The following DDX42 variants were observed in gnomAD, a reference collection of about 807,000 sequenced individuals.
DDX42 encodes the protein DEAD-box helicase 42.
In DDX42, 22 loss-of-function variants were observed where a neutral mutation model predicts 101.5. The ratio of observed to expected loss-of-function variants is 0.22; its 90% CI spans 0.15 to 0.31. The LOEUF (loss-of-function observed/expected upper bound fraction) is 0.31, where lower values mean the gene tolerates loss of function less well. Among genes scored for constraint, DDX42 ranks in the 10% least tolerant of loss-of-function variants. DDX42 has a pLI of 1.00. For missense variants in DDX42, 849 were observed against 1,199.9 expected (o/e 0.71, Z 4.32); for synonymous variants, 402 against 401.2 (o/e 1.00, Z -0.02).
chr17:63,811,800 T>G, intron 13 of DDX42, 132 bp from the exon 14 acceptor site: 1 of 1,221,448 alleles, frequency 8.2e-7, no homozygotes, highest in Non-Finnish European at 1.2e-6. Flanking sequence ...GCACTTGACT[T>G]GCTGAAGGCC....
At chr17:63,803,174 GATAA>G (rs2039794061) in intron 6 of DDX42, among the ~76,000 whole-genome samples, 1 of 152,080 alleles carries the variant, frequency 6.6e-6, no homozygotes, top group African/African-American at 2.4e-5. Context: ...CAAAATACAT[GATAA>G]ATAAATGGAT....
Position 63,787,106 on chromosome 17 carries a change from T to C in DDX42, c.57T>C (p.Phe19=), listed in dbSNP as rs767718123. 1 of 1,614,220 alleles carries C rather than the reference T, an allele frequency of 6.2e-7. No homozygotes were observed. Among genetic ancestry groups the C allele is most frequent in the Non-Finnish European group, 8.5e-7 (1 of 1,180,036 alleles). The part of the protein sequence containing the change: ...GTKRGFGFGG[F]AISAGKKEEP... ...AGCGAGGATTTGGCTTTGGAGGTTT[T>C]GCCATCAGTGCTGGGAAAAAGGAGG... is the stretch of plus-strand genomic sequence containing the variant. The change falls in exon 2 of 18, where the codon TTT becomes TTC. Residue 19 remains phenylalanine, a synonymous_variant. Coordinates refer to ENST00000389924, the MANE Select transcript of DDX42 (RefSeq NM_203499.3).
chr17:63,814,675 C>CTTTTTTTTTGT (rs2039953609), intron 15 of DDX42, among the ~76,000 whole-genome samples: 2 of 90,456 alleles, frequency 2.2e-5, no homozygotes, highest in Non-Finnish European at 4.0e-5. Context: ...GAGACATTTG[C>CTTTTTTTTTGT]TTTTTTTTTT....
intron 1 of DDX42, among the ~76,000 whole-genome samples, chr17:63,782,826 A>G (rs116843665): frequency 6.6e-6 from 1 of 152,308 alleles, no homozygotes; most frequent in Non-Finnish European, 1.5e-5. Flanking sequence ...TGTAAAATTA[A>G]CGATTCTTTG....
chr17:63,812,823 G>A lies in DDX42; in HGVS notation c.1676-405G>A, dbSNP rs531820618. Among the ~76,000 whole-genome samples, 32 of 152,128 alleles carry A rather than the reference G, an allele frequency of 2.1e-4. No homozygotes were observed. The South Asian group carries it at 3.5e-3, about 17-fold the overall frequency. On this transcript the variant is annotated intron_variant, in intron 14 of 17. Transcript: ENST00000389924. The stretch of plus-strand genomic sequence containing the variant: ...GCGGATCACCTGAGGTCAGGAGATC[G>A]AGACCATCCTGGCCAACATAGTGAA...
At position 63,818,497 on chromosome 17, in the gene DDX42, A is replaced by AC. The variant is rs1567749384; in HGVS notation, c.*104dup. ...CTGGGTTGGGGTCCAAAGTGTAAGG[A>AC]CCCCCTGCCCTTAGTGGAGAGCTGG... is the stretch of plus-strand genomic sequence containing the variant. On this transcript the variant is annotated 3_prime_UTR_variant, in exon 18 of 18. Coordinates refer to ENST00000389924, the MANE Select transcript of DDX42 (RefSeq NM_203499.3). 7.3e-6 allele frequency: 8 copies of AC among 1,102,280 alleles called. No individual in the cohort carries two copies. Among genetic ancestry groups the AC allele is most frequent in the Non-Finnish European group, 1.0e-5 (8 of 785,548 alleles). The allele number at this position is 1,102,280 out of a possible 1,614,324, so 68.3% of individuals were successfully genotyped here.
rs2039843599 is a variant in DDX42 at position 63,806,591 on chromosome 17, C to T, written c.783C>T (p.Asp261=). ...PGSSFAHFGF[D]EQLMHQIRKS... The stretch of plus-strand genomic sequence containing the variant: ...GTAGCTTTGCTCATTTTGGGTTTGA[C>T]GAACAACTTATGCACCAGATTCGGA... Residue 261 remains aspartate (D), a synonymous_variant, in exon 8 of 18, where the codon GAC becomes GAT. Transcript: ENST00000389924. 4 of 1,613,198 alleles carry T rather than the reference C, an allele frequency of 2.5e-6. No homozygotes were observed. The highest frequency in any genetic ancestry group is 3.4e-6 in the Non-Finnish European group (4 of 1,179,708).
rs780084036 is a variant in DDX42 at position 63,817,681 on chromosome 17, C to G, written c.2113-13C>G. On this transcript the variant is annotated splice_polypyrimidine_tract_variant and intron_variant, in intron 17 of 17. Transcript: ENST00000389924. ...GCTATCTTACCTACTCCTGATGTCT[C>G]TTTCTCTTTCAGTCACAGTACAAGA... 6.2e-7 allele frequency: 1 copy of G among 1,610,068 alleles called. No homozygotes were observed. Among genetic ancestry groups the G allele is most frequent in the East Asian group, 2.2e-5 (1 of 44,752 alleles).
chr17:63,787,023 A>T lies in DDX42; in HGVS notation c.-16-11A>T, dbSNP rs746721477. On this transcript the variant is annotated splice_polypyrimidine_tract_variant and intron_variant, in intron 1 of 17. Coordinates refer to ENST00000389924, the MANE Select transcript of DDX42 (RefSeq NM_203499.3). ...AGTTTAATTTATATTTGTGTATCTTATTCCTAACAGGTCAGTCATTGGCAC... is the reference window on the plus strand; with the variant it reads ...AGTTTAATTTATATTTGTGTATCTTTTTCCTAACAGGTCAGTCATTGGCAC... 60 of 1,613,314 alleles carry T rather than the reference A, an allele frequency of 3.7e-5. No individual in the cohort carries two copies. The highest frequency in any genetic ancestry group is 1.0e-4 in the Admixed American group (6 of 59,928).
chr17:63,811,684 A>G (rs1010920387), intron 13 of DDX42: 1 of 576,290 alleles, frequency 1.7e-6, no homozygotes, highest in Non-Finnish European at 3.1e-6. Flanking sequence ...GTTGCTTGCC[A>G]TGGTTATTGT....
At chr17:63,797,959 G>A in intron 3 of DDX42, 79 bp from the exon 4 acceptor site, 6 of 1,325,260 alleles carry the variant, frequency 4.5e-6, no homozygotes, top group Non-Finnish European at 6.3e-6. Context: ...AAGCTATTAT[G>A]GCACTTGTTC....
At chr17:63,791,000 A>AGT (rs928047177) in intron 2 of DDX42, among the ~76,000 whole-genome samples, 6 of 152,370 alleles carry the variant, frequency 3.9e-5, no homozygotes, top group African/African-American at 1.4e-4. Context: ...GTGTTACATT[A>AGT]GTGTGTATAT....
Position 63,808,876 on chromosome 17 carries a change from A to T in DDX42, c.1080A>T (p.Val360=), listed in dbSNP as rs768807794. Residue 360 remains valine, a synonymous_variant, in exon 10 of 18, where the codon GTA becomes GTT. Coordinates refer to ENST00000389924, the MANE Select transcript of DDX42 (RefSeq NM_203499.3). ...CATATAATCTTCGATCAGTGGCCGT[A>T]TATGGAGGAGGGAGTATGTGGGAGC... ...GKAYNLRSVA[V]YGGGSMWEQA... is the part of the protein sequence containing the mutation. 1.9e-6 allele frequency: 3 copies of T among 1,613,992 alleles called. No homozygotes were observed. In the African/African-American group the frequency reaches 4.0e-5, roughly 22 times the overall value.
In DDX42 at chr17:63,818,369, A is replaced by G; in HGVS notation, c.2788A>G (p.Lys930Glu). Residue 930 changes from lysine (K) to glutamate (E), a missense_variant, in exon 18 of 18, where the codon AAA (lysine) becomes GAA (glutamate). Lys to Glu is a moderately conservative substitution (Grantham distance 56). Transcript: ENST00000389924. Reference protein sequence around the residue: ...ADGFAVPEPPKRKKSRWDS With the variant: ...ADGFAVPEPPERKKSRWDS ...CGGCTTTGCTGTCCCAGAGCCGCCT[A>G]AACGCAAGAAAAGTCGATGGGACAG... 6.2e-7 allele frequency: 1 copy of G among 1,613,794 alleles called. No individual in the cohort carries two copies. Among genetic ancestry groups the G allele is most frequent in the Non-Finnish European group, 8.5e-7 (1 of 1,179,910 alleles).
At chr17:63,800,784 G>A (rs2597634) in intron 6 of DDX42, among the ~76,000 whole-genome samples, 167 bp downstream of exon 6, 106,602 of 152,116 alleles carry the variant, frequency 0.7, 38,798 homozygotes, top group African/African-American at 0.92. Flanking sequence ...TTTATAGCCT[G>A]TTTTGTTCAA....
At chr17:63,782,501 G>A (rs1287108551) in intron 1 of DDX42, among the ~76,000 whole-genome samples, 1 of 151,940 alleles carries the variant, frequency 6.6e-6, no homozygotes, top group Non-Finnish European at 1.5e-5. Flanking sequence ...GCTCTTTTAG[G>A]TTTCCATCTC....
At chr17:63,817,593 A>ATCC in intron 17 of DDX42, 101 bp from the exon 18 acceptor site, 1 of 1,154,844 alleles carries the variant, frequency 8.7e-7, no homozygotes, top group Non-Finnish European at 1.2e-6. Context: ...CAGTGCCAGG[A>ATCC]TAGCACAGAG....
Position 63,796,557 on chromosome 17 carries a change from C to G in DDX42, c.373-1481C>G, listed in dbSNP as rs140565026. Among the ~76,000 whole-genome samples, 90 of 152,372 alleles carry G rather than the reference C, an allele frequency of 5.9e-4. 1 individual carries two copies. The East Asian group carries it at 0.015, about 25-fold the overall frequency. ...CCTCGAACTCCTGACCTCAGGTGAT[C>G]TGCCCGCCTTGGCCTCCCAAGGTGC... On this transcript the variant is annotated intron_variant, in intron 3 of 17. Coordinates refer to ENST00000389924, the MANE Select transcript of DDX42 (RefSeq NM_203499.3).
chr17:63,817,430 TAA>T (rs2039989654), intron 17 of DDX42: 3 of 412,812 alleles, frequency 7.3e-6, no homozygotes, highest in Admixed American at 7.9e-5. Flanking sequence ...ATAAATGTGC[TAA>T]ATACATAGAT....
Sources: allele counts gnomAD v4.1 joint callset (sites outside exome capture counted in the v4.1 genomes callset), GRCh38; gene constraint gnomAD v4.1.1; transcripts MANE v1.5; gene names NCBI Gene and HGNC (gene_info 2026-07-23, HGNC 2026-07-21).